Variants in RAPGEF5 observed in about 807,000 individuals in gnomAD.
RAPGEF5 encodes the protein Rap guanine nucleotide exchange factor 5, also known as M-Ras-regulated GEF.
RAPGEF5 carries 65 observed loss-of-function variants against 125.2 expected under a neutral mutation model. The ratio of observed to expected loss-of-function variants is 0.52; its 90% CI spans 0.43 to 0.64. The LOEUF (loss-of-function observed/expected upper bound fraction) is 0.64, where lower values mean the gene tolerates loss of function less well. Ranked by LOEUF, RAPGEF5 falls within the 30% of genes least tolerant of loss-of-function variation. The pLI is 0.00. For synonymous variants in RAPGEF5, 391 were observed against 385.9 expected (o/e 1.01, Z -0.16); for missense variants, 958 against 1,048.1 (o/e 0.91, Z 1.19).
chr7:22,280,111 A>G (rs996381836), intron 6 of RAPGEF5, among the ~76,000 whole-genome samples: 1 of 152,232 alleles, frequency 6.6e-6, no homozygotes, highest in African/African-American at 2.4e-5. Context: ...TCAGAAGAAG[A>G]GGAAATGACA....
chr7:22,266,988 T>C lies in RAPGEF5; in HGVS notation c.772A>G (p.Ile258Val). The change falls in exon 7 of 26, where the codon ATT becomes GTT. Residue 258 changes from isoleucine to valine, a missense_variant. Coordinates refer to ENST00000665637, the MANE Select transcript of RAPGEF5 (RefSeq NM_012294.5). ...SAVQRELAAV[I>V]ALKARKSAIE... The stretch of plus-strand genomic sequence containing the variant: ...CCAGACTTCCTTGCTTTCAAAGCAA[T>C]AACAGCTGCTAGCTCTCTCTGCACC... 1.2e-6 allele frequency: 2 copies of C among 1,611,014 alleles called. No homozygotes were observed. The highest frequency in any genetic ancestry group is 1.7e-6 in the Non-Finnish European group (2 of 1,177,604).
chr7:22,180,603 C>A (rs925834754), intron 11 of RAPGEF5, among the ~76,000 whole-genome samples: 2 of 152,114 alleles, frequency 1.3e-5, no homozygotes, highest in African/African-American at 4.8e-5. Context: ...ACATTTATAC[C>A]ATGTTTAAAT....
intron 9 of RAPGEF5, 44 bp from the exon 10 acceptor site, chr7:22,194,077 G>C (rs374804940): frequency 2.6e-6 from 4 of 1,529,380 alleles, no homozygotes; most frequent in Non-Finnish European, 3.6e-6. Flanking sequence ...AGGAAAAAGA[G>C]AGAGAAAATT....
chr7:22,271,485 A>C (rs900573386), intron 6 of RAPGEF5, among the ~76,000 whole-genome samples: 1 of 152,230 alleles, frequency 6.6e-6, no homozygotes, highest in Non-Finnish European at 1.5e-5. Context: ...AGATTCACTT[A>C]CTATAGTAGC....
intron 6 of RAPGEF5, among the ~76,000 whole-genome samples, chr7:22,281,470 C>A (rs1041582647): frequency 6.6e-6 from 1 of 152,076 alleles, no homozygotes; most frequent in African/African-American, 2.4e-5. Context: ...CCTCAGCCAC[C>A]CAAAGTGCTG....
chr7:22,321,975 C>T (rs560210311), intron 1 of RAPGEF5, among the ~76,000 whole-genome samples: 25 of 152,250 alleles, frequency 1.6e-4, no homozygotes, highest in Non-Finnish European at 2.1e-4. Flanking sequence ...AGCCAGATTA[C>T]GGCCTTGAGA....
At chr7:22,340,766 A>G (rs1247189157) in intron 1 of RAPGEF5, among the ~76,000 whole-genome samples, 1 of 152,280 alleles carries the variant, frequency 6.6e-6, no homozygotes, top group East Asian at 1.9e-4. Context: ...ATGCACAGGC[A>G]TGGCCACTTC....
intron 15 of RAPGEF5, among the ~76,000 whole-genome samples, chr7:22,157,184 T>A (rs1187144239): frequency 2.0e-5 from 3 of 152,218 alleles, no homozygotes; most frequent in Admixed American, 2.0e-4. Context: ...TAGAGTCTCC[T>A]GAGATAAACA....
At chr7:22,213,530 CT>C (rs1785558525) in intron 9 of RAPGEF5, among the ~76,000 whole-genome samples, 1 of 152,176 alleles carries the variant, frequency 6.6e-6, no homozygotes, top group Admixed American at 6.5e-5. Flanking sequence ...GCTACTTCTA[CT>C]TTTTTGTTAC....
intron 13 of RAPGEF5, among the ~76,000 whole-genome samples, 156 bp downstream of exon 13, chr7:22,162,241 C>T (rs1034767659): frequency 6.6e-6 from 1 of 152,054 alleles, no homozygotes; most frequent in Non-Finnish European, 1.5e-5. Context: ...TATCAAGCTT[C>T]AGAAGTCAAA....
rs1782516876 is a variant in RAPGEF5, at chr7:22,119,505, A to G, written c.*2901T>C. ...GGGAACACCTGCAAATGTGTATGTA[A>G]AACAAAATTTTTTTTAATAGCAAGG... On this transcript the variant is annotated 3_prime_UTR_variant, in exon 26 of 26. Transcript: ENST00000665637. This position sits in a 1 kb window ranked among gnomAD's most constrained non-coding sequence, Gnocchi z 4.1. The G allele has an allele frequency of 6.6e-6, 1 of 152,162 alleles. No individual in the cohort carries two copies. The highest frequency in any genetic ancestry group is 1.5e-5 in the Non-Finnish European group (1 of 68,020). The allele number at this position is 152,162 out of a possible 1,614,324, so 9.4% of individuals were successfully genotyped here. A position where few individuals can be genotyped will look rare whatever the true frequency, so the allele number is the denominator to read the frequency against.
At chr7:22,245,186 A>G (rs1002212363) in intron 7 of RAPGEF5, among the ~76,000 whole-genome samples, 2 of 152,064 alleles carry the variant, frequency 1.3e-5, no homozygotes, top group Non-Finnish European at 2.9e-5. Context: ...ATGTTGTTTC[A>G]ATTCTTTATA....
chr7:22,118,927 G>C lies in RAPGEF5; in HGVS notation c.*3479C>G. On this transcript the variant is annotated 3_prime_UTR_variant, in exon 26 of 26. Transcript: ENST00000665637. ...CCCCCCACCAGTTTTAAGCAAAACT[G>C]GCCCACTCGCTAAGAAGCAGGCTGA... 1 of 103,104 alleles carries C rather than the reference G, an allele frequency of 9.7e-6. No homozygotes were observed. Among genetic ancestry groups the C allele is most frequent in the African/African-American group, 3.9e-5 (1 of 25,828 alleles). 6.4% of individuals were successfully genotyped at this position (103,104 alleles called of 1,614,324 possible).
chr7:22,180,047 T>C (rs1394522297), intron 11 of RAPGEF5, among the ~76,000 whole-genome samples: 2 of 152,188 alleles, frequency 1.3e-5, no homozygotes, highest in Non-Finnish European at 2.9e-5. Context: ...CGCCTTGAAT[T>C]ACTTCTTGCG....
chr7:22,169,288 C>G (rs1488109672), intron 11 of RAPGEF5, among the ~76,000 whole-genome samples: 1 of 152,162 alleles, frequency 6.6e-6, no homozygotes, highest in African/African-American at 2.4e-5. Context: ...TACTTGTCTC[C>G]AAACAAGTTA....
intron 1 of RAPGEF5, among the ~76,000 whole-genome samples, chr7:22,339,449 G>C (rs906458284): frequency 6.6e-6 from 1 of 151,994 alleles, no homozygotes; most frequent in African/African-American, 2.4e-5. Context: ...AAGAAAGAAA[G>C]TGTTGTGTTA....
chr7:22,283,911 G>A (rs2528918), intron 6 of RAPGEF5, among the ~76,000 whole-genome samples: 33,989 of 151,936 alleles, frequency 0.22, 4,294 homozygotes, highest in African/African-American at 0.34. Flanking sequence ...GCCCTGCATT[G>A]CTTCATTTCA....
intron 18 of RAPGEF5, among the ~76,000 whole-genome samples, 173 bp from the exon 19 acceptor site, chr7:22,147,192 G>A (rs557320251): frequency 1.3e-5 from 2 of 152,162 alleles, no homozygotes; most frequent in Non-Finnish European, 2.9e-5. Flanking sequence ...TTTAGGAAAC[G>A]GTCTTGGGAA....
chr7:22,185,559 A>G (rs976165643), intron 11 of RAPGEF5, among the ~76,000 whole-genome samples: 2 of 152,242 alleles, frequency 1.3e-5, no homozygotes, highest in Non-Finnish European at 2.9e-5. Flanking sequence ...TCAAGGAACT[A>G]CCAAAATCCA....
Sources: allele counts gnomAD v4.1 joint callset (sites outside exome capture counted in the v4.1 genomes callset), GRCh38; gene constraint gnomAD v4.1.1; non-coding constraint Gnocchi (gnomAD v3.1); transcripts MANE v1.5; gene names NCBI Gene and HGNC (gene_info 2026-07-23, HGNC 2026-07-21).